Variants in ZBTB38 observed in about 807,000 individuals in gnomAD.
The protein encoded by ZBTB38 is zinc finger and BTB domain containing 38.
A neutral mutation model predicts 76.8 loss-of-function variants in ZBTB38; 20 were observed. The observed-to-expected ratio is 0.26, with a 90% CI of 0.18 to 0.38. ZBTB38 has a LOEUF of 0.38. Among genes scored for constraint, ZBTB38 ranks in the 10% least tolerant of loss-of-function variants. The pLI is 1.00. For missense variants in ZBTB38, 1,082 were observed against 1,482.3 expected (o/e 0.73, Z 4.43); for synonymous variants, 504 against 544.2 (o/e 0.93, Z 1.03).
chr3:141,412,624 C>G (rs1256722729), intron 5 of ZBTB38, among the ~76,000 whole-genome samples: 1 of 152,090 alleles, frequency 6.6e-6, no homozygotes, highest in African/African-American at 2.4e-5. Flanking sequence ...ATCATTGCTC[C>G]TTCTGCTCAG....
intron 5 of ZBTB38, among the ~76,000 whole-genome samples, chr3:141,410,814 G>A (rs1956368284): frequency 6.6e-6 from 1 of 152,172 alleles, no homozygotes; most frequent in Admixed American, 6.5e-5. Context: ...AATATTGAAA[G>A]AAATTAAAAC....
At chr3:141,354,830 C>T (rs1166358440) in intron 1 of ZBTB38, among the ~76,000 whole-genome samples, 1 of 152,030 alleles carries the variant, frequency 6.6e-6, no homozygotes, top group Non-Finnish European at 1.5e-5. Context: ...TGTTGTTCCT[C>T]AGGTGATGGG....
intron 1 of ZBTB38, among the ~76,000 whole-genome samples, chr3:141,336,736 ATACTAT>A (rs1943025862): frequency 6.6e-6 from 1 of 152,150 alleles, no homozygotes; most frequent in South Asian, 2.1e-4. Flanking sequence ...CTGGGCAGAG[ATACTAT>A]TATGTGGTGT....
intron 5 of ZBTB38, among the ~76,000 whole-genome samples, chr3:141,411,310 T>C (rs553931629): frequency 1.3e-5 from 2 of 152,238 alleles, no homozygotes; most frequent in Non-Finnish European, 2.9e-5. Flanking sequence ...ATTTCCTTTT[T>C]GAAAAACCTA....
chr3:141,439,853 T>C (rs780491706), intron 5 of ZBTB38, among the ~76,000 whole-genome samples: 5 of 152,072 alleles, frequency 3.3e-5, no homozygotes, highest in Admixed American at 6.5e-5. Flanking sequence ...AAGCCAAACA[T>C]GATAAAAATA....
At chr3:141,329,899 TG>T (rs1309518922) in intron 1 of ZBTB38, among the ~76,000 whole-genome samples, 2 of 151,920 alleles carry the variant, frequency 1.3e-5, no homozygotes, top group Non-Finnish European at 2.9e-5. Context: ...GAGGCCAAGG[TG>T]GGTGGATTGC....
intron 1 of ZBTB38, among the ~76,000 whole-genome samples, chr3:141,324,833 T>C (rs937476562): frequency 3.9e-5 from 6 of 152,244 alleles, no homozygotes; most frequent in Non-Finnish European, 8.8e-5. Flanking sequence ...TTATCCCTGC[T>C]ATCTGGAGTC....
At chr3:141,344,213 G>A (rs1344437410) in intron 1 of ZBTB38, among the ~76,000 whole-genome samples, 2 of 152,214 alleles carry the variant, frequency 1.3e-5, no homozygotes, top group Non-Finnish European at 2.9e-5. Flanking sequence ...TAGGTCAGAA[G>A]TCCATCATGG....
In ZBTB38 at chr3:141,341,000, A is replaced by AAAG. The variant is rs1553760168; in HGVS notation, c.-739+16547_-739+16549dup. ...AAAGAAAGAAAGAAAGAGAAAGAAGAAAGAAAGAAAGAAAGAGAAAGATAG... is the reference window on the plus strand; with the variant it reads ...AAAGAAAGAAAGAAAGAGAAAGAAGAAAGAAGAAAGAAAGAAAGAGAAAGATAG... On this transcript the variant is annotated intron_variant, in intron 1 of 7. Transcript: ENST00000509842. Among the ~76,000 whole-genome samples, 58 of 149,288 alleles carry AAAG rather than the reference A, an allele frequency of 3.9e-4. No homozygotes were observed. The South Asian group carries it at 3.9e-3, about 10-fold the overall frequency.
At chr3:141,441,776 C>T (rs957984927) in intron 5 of ZBTB38, among the ~76,000 whole-genome samples, 3 of 151,968 alleles carry the variant, frequency 2.0e-5, no homozygotes, top group African/African-American at 7.3e-5. Context: ...ATTAGCCGGG[C>T]GTGGTGGCTC....
intron 5 of ZBTB38, among the ~76,000 whole-genome samples, chr3:141,441,784 C>T (rs2080295681): frequency 6.6e-6 from 1 of 152,074 alleles, no homozygotes. Context: ...GGCGTGGTGG[C>T]TCTCACCTGT....
intron 1 of ZBTB38, among the ~76,000 whole-genome samples, chr3:141,369,134 T>C (rs1435523116): frequency 6.6e-6 from 1 of 152,186 alleles, no homozygotes; most frequent in Non-Finnish European, 1.5e-5. Context: ...TGTCAGAATG[T>C]TTGTTCAGAG....
intron 3 of ZBTB38, chr3:141,385,899 T>C (rs1946965498): frequency 1.3e-5 from 2 of 152,052 alleles, no homozygotes; most frequent in South Asian, 4.1e-4. Flanking sequence ...GTAGATGAGA[T>C]TTAATTTTCG....
chr3:141,371,048 T>C (rs1576720143), intron 2 of ZBTB38, among the ~76,000 whole-genome samples: 1 of 100,830 alleles, frequency 9.9e-6, no homozygotes, highest in Admixed American at 1.0e-4. Flanking sequence ...TTTCTTTCTT[T>C]TTTTTTTTTT....
At position 141,408,851 on chromosome 3, in the gene ZBTB38, C is replaced by T. The variant is rs186445741; in HGVS notation, c.-1+4820C>T. Among the ~76,000 whole-genome samples the T allele has an allele frequency of 8.5e-5, 13 of 152,278 alleles. No homozygotes were observed. In the East Asian group the frequency reaches 2.1e-3, roughly 25 times the overall value. On this transcript the variant is annotated intron_variant, in intron 5 of 5. Coordinates refer to ENST00000321464, the MANE Select transcript of ZBTB38 (RefSeq NM_001376113.1). ...GGATGCTGATGGCCTGGAGCCTTTC[C>T]TAGAAACAGAGTTTCTCTCTCTATA...
At chr3:141,325,277 T>C (rs904827758) in intron 1 of ZBTB38, among the ~76,000 whole-genome samples, 3 of 152,236 alleles carry the variant, frequency 2.0e-5, no homozygotes, top group Non-Finnish European at 2.9e-5. Flanking sequence ...TAATTGTGTG[T>C]CAAGGAAAAA....
chr3:141,443,061 G>C lies in ZBTB38; in HGVS notation c.673G>C (p.Val225Leu). 1 of 1,614,250 alleles carries C rather than the reference G, an allele frequency of 6.2e-7. No individual in the cohort carries two copies. The highest frequency in any genetic ancestry group is 8.5e-7 in the Non-Finnish European group (1 of 1,180,042). The change falls in exon 6 of 6, where the codon GTT (valine) becomes CTT (leucine). Residue 225 changes from valine (V) to leucine (L), a missense_variant. Transcript: ENST00000321464. This position sits in a 1 kb window ranked among gnomAD's most constrained non-coding sequence, Gnocchi z 5.6. ...VRTLAEHSYA[V>L]SSVAEAYRSQ... ...CACACTTGCCGAGCACTCATACGCT[G>C]TTTCTTCCGTAGCTGAAGCTTACAG...
intron 5 of ZBTB38, chr3:141,432,244 G>A (rs1299667405): frequency 3.0e-6 from 3 of 985,428 alleles, no homozygotes; most frequent in Middle Eastern, 1.0e-3. Context: ...AGGATTCCAG[G>A]TCAGTATCCT....
At chr3:141,384,667 G>A (rs954358096) in intron 3 of ZBTB38, 1 of 152,188 alleles carries the variant, frequency 6.6e-6, no homozygotes, top group African/African-American at 2.4e-5. Context: ...GGTAAAGGAG[G>A]AATTGGCCTA....
Sources: allele counts gnomAD v4.1 joint callset (sites outside exome capture counted in the v4.1 genomes callset), GRCh38; gene constraint gnomAD v4.1.1; non-coding constraint Gnocchi (gnomAD v3.1); transcripts MANE v1.5; gene names NCBI Gene and HGNC (gene_info 2026-07-23, HGNC 2026-07-21).